Variants in STIM1 observed in about 807,000 individuals in gnomAD.
The protein encoded by STIM1 is stromal interaction molecule 1.
In STIM1, 25 loss-of-function variants were observed where a neutral mutation model predicts 74.7. That is an observed-to-expected ratio of 0.33 (90% CI 0.24 to 0.47). The LOEUF is 0.47. Among genes scored for constraint, STIM1 ranks in the 20% least tolerant of loss-of-function variants. STIM1 has a pLI of 1.00. For synonymous variants in STIM1, 328 were observed against 348.8 expected, an observed-to-expected ratio of 0.94 and a Z score of 0.66; for missense variants, 728 against 920.8, an observed-to-expected ratio of 0.79 and a Z score of 2.71.
chr11:4,012,636 G>C (rs1460847024), intron 2 of STIM1, among the ~76,000 whole-genome samples: 2 of 152,142 alleles, frequency 1.3e-5, no homozygotes, highest in East Asian at 3.8e-4. Flanking sequence ...GGAGACGATG[G>C]GGTTTTCTAA....
rs902467842 is a variant in STIM1, at chr11:3,891,258, T to A, written c.139+34849T>A. Among the ~76,000 whole-genome samples the A allele has an allele frequency of 8.6e-5, 13 of 152,016 alleles. 1 individual carries two copies. Among genetic ancestry groups the A allele is most frequent in the African/African-American group, 3.1e-4 (13 of 41,458 alleles). ...TCATGTTCTAATTCCAAACTCTATT[T>A]TTTTTATTGTTTTAAATAAAAAAAA... is the stretch of plus-strand genomic sequence containing the variant. On this transcript the variant is annotated intron_variant, in intron 1 of 12. Transcript: ENST00000526596.
At chr11:3,978,148 CTT>C (rs768698563) in intron 2 of STIM1, among the ~76,000 whole-genome samples, 7,514 of 139,176 alleles carry the variant, frequency 0.054, 289 homozygotes, top group East Asian at 0.17. Flanking sequence ...TGCCTGTGTA[CTT>C]TTTTTTTTTT....
intron 1 of STIM1, 101 bp from the exon 2 acceptor site, chr11:3,967,451 A>C: frequency 6.3e-7 from 1 of 1,577,664 alleles, no homozygotes; most frequent in Non-Finnish European, 8.7e-7. Flanking sequence ...AAGTGCCTAC[A>C]TGAGGAGTCA....
At chr11:3,937,286 A>T (rs988009014) in intron 1 of STIM1, among the ~76,000 whole-genome samples, 1 of 96,760 alleles carries the variant, frequency 1.0e-5, no homozygotes, top group African/African-American at 4.1e-5. Flanking sequence ...GCGAGACTTC[A>T]TCTCAATAAT....
rs538868831 is a variant in STIM1, at chr11:4,069,413, T to C, written c.614-613T>C. Among the ~76,000 whole-genome samples the C allele has an allele frequency of 1.1e-4, 17 of 152,260 alleles. 1 individual carries two copies. The South Asian group carries it at 3.5e-3, about 32-fold the overall frequency. On this transcript the variant is annotated intron_variant, in intron 5 of 12. Transcript: ENST00000526596. ...TGGTAGGTATAATGTCTCATCCATA[T>C]GAATGTATTCATGCTATCCTGTTCT...
intron 1 of STIM1, among the ~76,000 whole-genome samples, chr11:3,900,457 G>C (rs879663930): frequency 1.3e-5 from 2 of 152,194 alleles, no homozygotes; most frequent in Admixed American, 1.3e-4. Flanking sequence ...TGCACCCACT[G>C]TCTGGCACTC....
chr11:4,051,949 C>T (rs1467133193), intron 3 of STIM1, among the ~76,000 whole-genome samples: 1 of 152,152 alleles, frequency 6.6e-6, no homozygotes, highest in Admixed American at 6.5e-5. Flanking sequence ...ATAAGCATTC[C>T]TATACATCAA....
intron 1 of STIM1, chr11:3,892,251 A>G (rs2135382016): frequency 1.6e-6 from 1 of 608,478 alleles, no homozygotes; most frequent in African/African-American, 1.8e-5. Flanking sequence ...GGAAGAAAAC[A>G]GAGAAAACAT....
intron 1 of STIM1, among the ~76,000 whole-genome samples, chr11:3,965,399 A>T (rs1291095158): frequency 6.6e-6 from 1 of 152,210 alleles, no homozygotes; most frequent in Non-Finnish European, 1.5e-5. Flanking sequence ...TGAGAGAAAA[A>T]TGAGATATGA....
At chr11:3,991,221 A>G (rs2093608489) in intron 2 of STIM1, among the ~76,000 whole-genome samples, 1 of 132,532 alleles carries the variant, frequency 7.5e-6, no homozygotes. Flanking sequence ...CCCAAACTGG[A>G]GTGCAGTGGC....
chr11:3,976,582 C>G (rs1190367682), intron 2 of STIM1, among the ~76,000 whole-genome samples: 1 of 152,178 alleles, frequency 6.6e-6, no homozygotes, highest in African/African-American at 2.4e-5. Flanking sequence ...GTACCTGACA[C>G]GTAATTCAAG....
At chr11:4,046,795 A>C (rs889541546) in intron 3 of STIM1, among the ~76,000 whole-genome samples, 2 of 152,130 alleles carry the variant, frequency 1.3e-5, no homozygotes, top group African/African-American at 2.4e-5. Flanking sequence ...GACTACAGGC[A>C]TGTGCCATTA....
At chr11:3,985,383 T>G (rs1454037098) in intron 2 of STIM1, among the ~76,000 whole-genome samples, 1 of 152,152 alleles carries the variant, frequency 6.6e-6, no homozygotes, top group Non-Finnish European at 1.5e-5. Flanking sequence ...TGTGCTTGTG[T>G]GGGTATGTGT....
At chr11:4,083,208 C>A in intron 9 of STIM1, 55 bp from the exon 10 acceptor site, 1 of 1,558,980 alleles carries the variant, frequency 6.4e-7, no homozygotes, top group Non-Finnish European at 8.8e-7. Flanking sequence ...AGGCTTCATT[C>A]CTATTGGGGC....
chr11:3,857,624 G>A (rs2090437920), intron 1 of STIM1, among the ~76,000 whole-genome samples: 1 of 151,846 alleles, frequency 6.6e-6, no homozygotes, highest in African/African-American at 2.4e-5. Flanking sequence ...TCTGCCCAAA[G>A]CTGTGACCTG....
At chr11:3,999,030 C>T (rs911290809) in intron 2 of STIM1, among the ~76,000 whole-genome samples, 1 of 152,168 alleles carries the variant, frequency 6.6e-6, no homozygotes, top group African/African-American at 2.4e-5. Flanking sequence ...AATGCATGAG[C>T]CTGGCTATGT....
chr11:4,051,167 C>T (rs541281530), intron 3 of STIM1, among the ~76,000 whole-genome samples: 62 of 152,158 alleles, frequency 4.1e-4, no homozygotes, highest in Admixed American at 6.5e-4. Flanking sequence ...TAAAGGTGAA[C>T]GGTGTCACTG....
chr11:3,998,603 A>G (rs550467351), intron 2 of STIM1, among the ~76,000 whole-genome samples: 1 of 152,316 alleles, frequency 6.6e-6, no homozygotes, highest in Non-Finnish European at 1.5e-5. Context: ...CAGAAAATTT[A>G]CAAGATGCTG....
chr11:4,088,648 C>A (rs2094506609), intron 12 of STIM1: 1 of 1,508,350 alleles, frequency 6.6e-7, no homozygotes, highest in South Asian at 1.2e-5. Flanking sequence ...CGGAGAGGTA[C>A]CTGTATCCAC....
Sources: allele counts gnomAD v4.1 joint callset (sites outside exome capture counted in the v4.1 genomes callset), GRCh38; gene constraint gnomAD v4.1.1; transcripts MANE v1.5; gene names NCBI Gene and HGNC (gene_info 2026-07-23, HGNC 2026-07-21).